Variants in ATRN observed in about 807,000 individuals in gnomAD.
ATRN encodes attractin.
A neutral mutation model predicts 178.7 loss-of-function variants in ATRN; 54 were observed. The observed-to-expected ratio is 0.30, with a 90% CI of 0.24 to 0.38. The LOEUF (loss-of-function observed/expected upper bound fraction) is 0.38. Among genes scored for constraint, ATRN ranks in the 10% least tolerant of loss-of-function variants. The pLI, the probability that ATRN is intolerant of heterozygous loss-of-function variation, is 1.00. For synonymous variants in ATRN, 636 were observed against 663.0 expected (o/e 0.96, Z 0.63); for missense variants, 1,443 against 1,815.1 (o/e 0.79, Z 3.73).
Position 3,532,953 on chromosome 20 carries a change from G to A in ATRN, c.411-2300G>A, listed in dbSNP as rs191400296. ...AATTTTTTGTAATTTTAGTAGAGACGGGGTTTCACTGTGTTAGCCAGGATG... is the reference window on the plus strand; with the variant it reads ...AATTTTTTGTAATTTTAGTAGAGACAGGGTTTCACTGTGTTAGCCAGGATG... On this transcript the variant is annotated intron_variant, in intron 1 of 28. Coordinates refer to ENST00000262919, the MANE Select transcript of ATRN (RefSeq NM_139321.3). Among the ~76,000 whole-genome samples, 506 of 152,218 alleles carry A rather than the reference G, an allele frequency of 3.3e-3. 5 individuals are homozygous for A. The highest frequency in any genetic ancestry group is 0.012 in the African/African-American group (487 of 41,530).
chr20:3,476,550 T>C (rs2084533794), intron 1 of ATRN, among the ~76,000 whole-genome samples: 1 of 152,228 alleles, frequency 6.6e-6, no homozygotes, highest in Admixed American at 6.5e-5. Flanking sequence ...CATAAATACC[T>C]TTTTAACTAA....
At position 3,650,250 on chromosome 20, in the gene ATRN, G is replaced by A. The variant is rs997664643; in HGVS notation, c.*3403G>A. The A allele has an allele frequency of 6.6e-6, 1 of 152,646 alleles. No homozygotes were observed. Among genetic ancestry groups the A allele is most frequent in the Non-Finnish European group, 1.5e-5 (1 of 68,050 alleles). The allele number at this position is 152,646 out of a possible 1,614,324, so 9.5% of individuals were successfully genotyped here. A position where few individuals can be genotyped will look rare whatever the true frequency, so the allele number is the denominator to read the frequency against. ...GCCAGGGGCTGATTCACTTCCTTGGGAGATGGTGGTGTTTTCATGAACATC... is the reference window on the plus strand; with the variant it reads ...GCCAGGGGCTGATTCACTTCCTTGGAAGATGGTGGTGTTTTCATGAACATC... On this transcript the variant is annotated 3_prime_UTR_variant, in exon 29 of 29. Coordinates refer to ENST00000262919, the MANE Select transcript of ATRN (RefSeq NM_139321.3).
At chr20:3,506,099 A>C (rs911463626) in intron 1 of ATRN, among the ~76,000 whole-genome samples, 1 of 151,130 alleles carries the variant, frequency 6.6e-6, no homozygotes, top group Admixed American at 6.6e-5. Context: ...CACACAAATG[A>C]GTGCAAGTAA....
intron 1 of ATRN, among the ~76,000 whole-genome samples, chr20:3,501,838 G>T (rs2057575982): frequency 6.6e-6 from 1 of 152,172 alleles, no homozygotes; most frequent in Non-Finnish European, 1.5e-5. Flanking sequence ...GCAGCATCGG[G>T]GGACACAGTT....
intron 1 of ATRN, among the ~76,000 whole-genome samples, chr20:3,516,244 A>C (rs1444994266): frequency 6.6e-6 from 1 of 152,216 alleles, no homozygotes; most frequent in Non-Finnish European, 1.5e-5. Context: ...AGTCTGTATG[A>C]GATGTGTGTT....
intron 24 of ATRN, among the ~76,000 whole-genome samples, chr20:3,623,571 A>G (rs1415340540): frequency 6.6e-6 from 1 of 152,108 alleles, no homozygotes; most frequent in African/African-American, 2.4e-5. Flanking sequence ...CTCGTCATTT[A>G]CCTTCCTGTG....
chr20:3,566,695 G>GGA (rs2086040701), intron 11 of ATRN, among the ~76,000 whole-genome samples: 1 of 152,038 alleles, frequency 6.6e-6, no homozygotes, highest in Non-Finnish European at 1.5e-5. Context: ...CTTGAGCCCA[G>GGA]GAGTTCCAGA....
intron 1 of ATRN, among the ~76,000 whole-genome samples, chr20:3,534,566 G>A (rs996646220): frequency 3.3e-5 from 5 of 152,178 alleles, no homozygotes; most frequent in African/African-American, 4.8e-5. Context: ...ATCCAGAAGC[G>A]AGCATGTGTT....
intron 1 of ATRN, among the ~76,000 whole-genome samples, chr20:3,488,077 T>G (rs1288762177): frequency 6.8e-6 from 1 of 147,314 alleles, no homozygotes; most frequent in Non-Finnish European, 1.5e-5. Flanking sequence ...ACTATGGAGT[T>G]GGCTAACATG....
At chr20:3,488,841 A>G (rs1248693479) in intron 1 of ATRN, among the ~76,000 whole-genome samples, 1 of 152,240 alleles carries the variant, frequency 6.6e-6, no homozygotes, top group East Asian at 1.9e-4. Context: ...CTTCCGAACC[A>G]CAAACATGGT....
At chr20:3,561,528 A>T (rs540858168) in intron 8 of ATRN, among the ~76,000 whole-genome samples, 5 of 152,244 alleles carry the variant, frequency 3.3e-5, no homozygotes, top group African/African-American at 9.6e-5. Flanking sequence ...GAAAAAAAAT[A>T]TTTGCCCAGC....
At chr20:3,602,676 T>G (rs2086625641) in intron 23 of ATRN, among the ~76,000 whole-genome samples, 1 of 152,026 alleles carries the variant, frequency 6.6e-6, no homozygotes, top group South Asian at 2.1e-4. Context: ...TGTGAAAGAT[T>G]TGCAATGAGC....
Position 3,649,051 on chromosome 20 carries a change from AAGG to A in ATRN, c.*2207_*2209del, listed in dbSNP as rs927499180. 2.6e-5 allele frequency: 4 copies of A among 152,258 alleles called. No individual in the cohort carries two copies. The highest frequency in any genetic ancestry group is 9.6e-5 in the African/African-American group (4 of 41,468). The allele number at this position is 152,258 out of a possible 1,614,324, so 9.4% of individuals were successfully genotyped here. ...TAATGTTTATTTTTAAAAAGGAAGG[AAGG>A]AGCAAGTGAAGTTTCATTCTGCTCC... On this transcript the variant is annotated 3_prime_UTR_variant, in exon 29 of 29. Coordinates refer to ENST00000262919, the MANE Select transcript of ATRN (RefSeq NM_139321.3).
chr20:3,642,186 T>G (rs1293390406), intron 27 of ATRN, among the ~76,000 whole-genome samples: 1 of 152,214 alleles, frequency 6.6e-6, no homozygotes, highest in Non-Finnish European at 1.5e-5. Flanking sequence ...TTCTTGTGTC[T>G]TTTACACCCA....
chr20:3,590,043 G>A (rs372754668), intron 18 of ATRN, among the ~76,000 whole-genome samples: 6 of 152,134 alleles, frequency 3.9e-5, no homozygotes, highest in South Asian at 2.1e-4. Flanking sequence ...TCTGCCTCCC[G>A]GGTTCAAGCG....
chr20:3,540,939 C>A (rs567190137), intron 3 of ATRN, among the ~76,000 whole-genome samples: 1 of 151,912 alleles, frequency 6.6e-6, no homozygotes, highest in Admixed American at 6.6e-5. Context: ...CAGTTTAACA[C>A]CAAATATATG....
intron 1 of ATRN, among the ~76,000 whole-genome samples, chr20:3,496,974 G>C (rs1168408649): frequency 2.6e-5 from 4 of 151,652 alleles, no homozygotes; most frequent in Non-Finnish European, 5.9e-5. Context: ...TCAGAGACTA[G>C]GATTGCAACC....
At chr20:3,613,252 G>A (rs915640409) in intron 24 of ATRN, among the ~76,000 whole-genome samples, 10 of 152,130 alleles carry the variant, frequency 6.6e-5, no homozygotes, top group African/African-American at 1.9e-4. Context: ...TATTGCAAAC[G>A]TGTCTTTTTG....
intron 17 of ATRN, 100 bp downstream of exon 17, chr20:3,584,183 C>T (rs1189110088): frequency 3.1e-6 from 4 of 1,282,146 alleles, no homozygotes; most frequent in Non-Finnish European, 4.4e-6. Context: ...ATTTTAGAAA[C>T]AAGACTGGAC....
Sources: allele counts gnomAD v4.1 joint callset (sites outside exome capture counted in the v4.1 genomes callset), GRCh38; gene constraint gnomAD v4.1.1; transcripts MANE v1.5; gene names NCBI Gene and HGNC (gene_info 2026-07-23, HGNC 2026-07-21).